Variants in ZNF385D observed in about 807,000 individuals in gnomAD.
ZNF385D encodes zinc finger protein 385D, also known as zinc finger protein 659.
A neutral mutation model predicts 35.8 loss-of-function variants in ZNF385D; 15 were observed. That is an observed-to-expected ratio of 0.42 (90% CI 0.28 to 0.64). The LOEUF (loss-of-function observed/expected upper bound fraction) is 0.64. ZNF385D is among the 30% of genes least tolerant of loss of function. The pLI is 0.23. For synonymous variants in ZNF385D, 212 were observed against 186.8 expected (o/e 1.13, Z -1.10); for missense variants, 474 against 494.6 (o/e 0.96, Z 0.39).
At chr3:22,200,728 T>C (rs1696731921) in intron 2 of ZNF385D, among the ~76,000 whole-genome samples, 1 of 152,066 alleles carries the variant, frequency 6.6e-6, no homozygotes, top group Non-Finnish European at 1.5e-5. Context: ...CCATAAAAGA[T>C]GGCCATGCCC....
chr3:22,280,569 A>G (rs1164569777), intron 2 of ZNF385D, among the ~76,000 whole-genome samples: 2 of 152,184 alleles, frequency 1.3e-5, no homozygotes, highest in East Asian at 1.9e-4. Context: ...GTCAAAGATC[A>G]ATTGGCTGTA....
intron 3 of ZNF385D, among the ~76,000 whole-genome samples, chr3:22,078,824 A>G (rs1346879720): frequency 6.6e-6 from 1 of 152,096 alleles, no homozygotes; most frequent in Non-Finnish European, 1.5e-5. Flanking sequence ...ATATGGATAT[A>G]TAAGCAAAGA....
At chr3:21,982,904 T>C (rs543246971) in intron 3 of ZNF385D, among the ~76,000 whole-genome samples, 67 of 152,214 alleles carry the variant, frequency 4.4e-4, no homozygotes, top group African/African-American at 1.5e-3. Flanking sequence ...TATTGATTTG[T>C]GTATGTTGAA....
chr3:22,061,177 T>C (rs1699667778), intron 3 of ZNF385D, among the ~76,000 whole-genome samples: 1 of 152,204 alleles, frequency 6.6e-6, no homozygotes, highest in Non-Finnish European at 1.5e-5. Flanking sequence ...AAGTTGGTTT[T>C]CTGAAATTCC....
At chr3:21,998,456 C>G (rs1695623327) in intron 3 of ZNF385D, among the ~76,000 whole-genome samples, 1 of 152,196 alleles carries the variant, frequency 6.6e-6, no homozygotes, top group African/African-American at 2.4e-5. Context: ...ATGAGAAATT[C>G]AGCATATCTT....
chr3:21,992,503 T>A (rs1396372558), intron 3 of ZNF385D, among the ~76,000 whole-genome samples: 1 of 152,148 alleles, frequency 6.6e-6, no homozygotes, highest in Non-Finnish European at 1.5e-5. Flanking sequence ...GTGGTGCAAG[T>A]TACTAAGCTC....
chr3:22,064,821 A>T (rs1317147279), intron 3 of ZNF385D, among the ~76,000 whole-genome samples: 1 of 152,242 alleles, frequency 6.6e-6, no homozygotes, highest in Non-Finnish European at 1.5e-5. Flanking sequence ...ATCAAAGGGT[A>T]TAAAGTTCAG....
intron 3 of ZNF385D, among the ~76,000 whole-genome samples, chr3:22,085,831 T>A (rs2593320): frequency 1.3e-5 from 2 of 151,968 alleles, no homozygotes; most frequent in African/African-American, 4.8e-5. Context: ...CCGAATCCAG[T>A]AGCACATCAA....
At chr3:22,264,658 G>A (rs1325935381) in intron 2 of ZNF385D, among the ~76,000 whole-genome samples, 2 of 151,936 alleles carry the variant, frequency 1.3e-5, no homozygotes, top group Non-Finnish European at 2.9e-5. Context: ...TCTCCCTACT[G>A]CATTCTGTAG....
At chr3:22,084,941 A>G (rs1215468094) in intron 3 of ZNF385D, among the ~76,000 whole-genome samples, 1 of 152,236 alleles carries the variant, frequency 6.6e-6, no homozygotes, top group African/African-American at 2.4e-5. Context: ...CCTCACAACT[A>G]CATGGAAACT....
At chr3:22,275,313 G>T (rs1001382752) in intron 2 of ZNF385D, among the ~76,000 whole-genome samples, 17 of 152,086 alleles carry the variant, frequency 1.1e-4, no homozygotes, top group African/African-American at 4.1e-4. Flanking sequence ...CCTTACTTCA[G>T]CCAACACCTT....
chr3:21,886,475 C>A (rs1401829368), intron 3 of ZNF385D, among the ~76,000 whole-genome samples: 1 of 152,042 alleles, frequency 6.6e-6, no homozygotes, highest in East Asian at 1.9e-4. Flanking sequence ...CTGAGCACCA[C>A]CCTTCAATGA....
chr3:21,426,753 T>C (rs960413926), intron 5 of ZNF385D, among the ~76,000 whole-genome samples: 3 of 152,106 alleles, frequency 2.0e-5, no homozygotes, highest in African/African-American at 7.2e-5. Flanking sequence ...AACCACTAAA[T>C]GTTAATGAGG....
At chr3:22,008,288 A>G (rs990922392) in intron 3 of ZNF385D, among the ~76,000 whole-genome samples, 1 of 152,120 alleles carries the variant, frequency 6.6e-6, no homozygotes, top group African/African-American at 2.4e-5. Context: ...GGGTTTTGTG[A>G]AAAATACTTA....
chr3:21,792,216 CT>C lies in ZNF385D; in HGVS notation c.326-127189del, dbSNP rs112902486. ...ATGGGGCAGATACATTCTGATGCCC[CT>C]CTTGATTTTAATATTCAATGACAAA... On this transcript the variant is annotated intron_variant, in intron 3 of 5. Coordinates refer to the ZNF385D transcript ENST00000494108. Among the ~76,000 whole-genome samples, 385 of 152,216 alleles carry C rather than the reference CT, an allele frequency of 2.5e-3. 2 individuals carry two copies. The highest frequency in any genetic ancestry group is 8.9e-3 in the African/African-American group (370 of 41,532).
chr3:21,582,233 TCTATAAA>T (rs2063688410), intron 2 of ZNF385D, among the ~76,000 whole-genome samples: 1 of 152,152 alleles, frequency 6.6e-6, no homozygotes, highest in African/African-American at 2.4e-5. Context: ...CTGAACTCAA[TCTATAAA>T]CTGGATCTGA....
At chr3:21,908,151 T>TATCTATCTATCTATCTATCC (rs1699787234) in intron 3 of ZNF385D, among the ~76,000 whole-genome samples, 1 of 150,888 alleles carries the variant, frequency 6.6e-6, no homozygotes, top group African/African-American at 2.4e-5. Context: ...TCTATCTATC[T>TATCTATCTATCTATCTATCC]ATCTATCTAT....
At chr3:21,564,304 C>A (rs566111875) in intron 3 of ZNF385D, among the ~76,000 whole-genome samples, 1 of 151,996 alleles carries the variant, frequency 6.6e-6, no homozygotes, top group African/African-American at 2.4e-5. Flanking sequence ...CTACATGTAC[C>A]ATTCCCAAAA....
intron 3 of ZNF385D, among the ~76,000 whole-genome samples, chr3:21,798,542 T>C (rs1483024071): frequency 6.6e-5 from 10 of 151,928 alleles, no homozygotes; most frequent in South Asian, 2.1e-4. Flanking sequence ...GTCTCTTCAA[T>C]TGGCTCATCT....
Sources: gnomAD v4.1 joint callset for allele counts (sites outside exome capture counted in the v4.1 genomes callset) on GRCh38, gnomAD v4.1.1 for gene constraint, MANE v1.5 for transcripts, NCBI Gene and HGNC (gene_info 2026-07-23, HGNC 2026-07-21) for gene names.